NCAM1: variants seen among roughly 807,000 people sequenced by gnomAD.
NCAM1 encodes neural cell adhesion molecule 1.
A neutral mutation model predicts 109.8 loss-of-function variants in NCAM1; 14 were observed. The observed-to-expected ratio is 0.13, with a 90% CI of 0.08 to 0.20. The LOEUF (loss-of-function observed/expected upper bound fraction) is 0.20, where lower values mean the gene tolerates loss of function less well. Ranked by LOEUF, NCAM1 falls within the 10% of genes least tolerant of loss-of-function variation. The pLI is 1.00. For synonymous variants in NCAM1, 418 were observed against 442.9 expected, an observed-to-expected ratio of 0.94 and a Z score of 0.70; for missense variants, 774 against 1,109.9, an observed-to-expected ratio of 0.70 and a Z score of 4.30.
At chr11:113,267,535 C>A (rs547778372) in intron 17 of NCAM1, among the ~76,000 whole-genome samples, 1 of 152,152 alleles carries the variant, frequency 6.6e-6, no homozygotes, top group South Asian at 2.1e-4. Flanking sequence ...GGCACAGAAT[C>A]ATCAAGGCCC....
chr11:113,028,257 C>T (rs1278427754), intron 1 of NCAM1, among the ~76,000 whole-genome samples: 1 of 152,028 alleles, frequency 6.6e-6, no homozygotes, highest in Non-Finnish European at 1.5e-5. Context: ...GGTCATTATA[C>T]AACGTATACA....
chr11:112,967,103 A>C (rs1156582397), intron 1 of NCAM1, among the ~76,000 whole-genome samples: 2 of 152,170 alleles, frequency 1.3e-5, no homozygotes, highest in African/African-American at 4.8e-5. Context: ...TCCACTTCGT[A>C]CTCTGAGGAC....
chr11:113,166,349 A>G (rs2136407223), intron 1 of NCAM1, among the ~76,000 whole-genome samples: 1 of 152,290 alleles, frequency 6.6e-6, no homozygotes, highest in Non-Finnish European at 1.5e-5. Flanking sequence ...AAATCGTAGG[A>G]AAACACAGTA....
intron 8 of NCAM1, among the ~76,000 whole-genome samples, chr11:113,215,034 C>G (rs782684720): frequency 6.6e-6 from 1 of 152,130 alleles, no homozygotes; most frequent in Non-Finnish European, 1.5e-5. Flanking sequence ...CCATTTTGTT[C>G]TAAAGGCAAA....
chr11:113,246,939 C>T (rs192403683), intron 15 of NCAM1, among the ~76,000 whole-genome samples: 1 of 152,324 alleles, frequency 6.6e-6, no homozygotes, highest in African/African-American at 2.4e-5. Context: ...AGCAGTTTGG[C>T]TGTGATTACT....
chr11:112,961,459 C>A lies in NCAM1; in HGVS notation c.-154C>A, dbSNP rs782518318. On this transcript the variant is annotated 5_prime_UTR_variant, in exon 1 of 20. Coordinates refer to ENST00000316851, the MANE Select transcript of NCAM1 (RefSeq NM_181351.5). ...CAGCGCGTGAACGCAGCTCGGCTGC[C>A]GCTGGCAGGAAACAATTCTGCAAAA... The A allele has an allele frequency of 2.2e-5, 17 of 775,532 alleles. No homozygotes were observed. The highest frequency in any genetic ancestry group is 1.5e-4 in the African/African-American group (9 of 58,966). The allele number at this position is 775,532 out of a possible 1,614,324, so 48.0% of individuals were successfully genotyped here. A position where few individuals can be genotyped will look rare whatever the true frequency, so the allele number is the denominator to read the frequency against.
chr11:113,010,677 T>C (rs1952023319), intron 1 of NCAM1, among the ~76,000 whole-genome samples: 1 of 152,232 alleles, frequency 6.6e-6, no homozygotes, highest in South Asian at 2.1e-4. Flanking sequence ...GAAAAGTCAG[T>C]TGGCGAGAGT....
chr11:113,019,083 C>T (rs1952302245), intron 1 of NCAM1, among the ~76,000 whole-genome samples: 1 of 152,082 alleles, frequency 6.6e-6, no homozygotes, highest in South Asian at 2.1e-4. Context: ...TAGTGATACT[C>T]GGTCATGGTT....
chr11:112,964,154 T>G (rs1297554039), intron 1 of NCAM1, among the ~76,000 whole-genome samples: 4 of 14,406 alleles, frequency 2.8e-4, no homozygotes, highest in Non-Finnish European at 5.6e-4. Flanking sequence ...TTTTTTTTTT[T>G]GTTTTTTTTT....
chr11:113,210,821 C>CACAT (rs1249418105), intron 7 of NCAM1, among the ~76,000 whole-genome samples: 14 of 144,234 alleles, frequency 9.7e-5, no homozygotes, highest in African/African-American at 3.7e-4. Context: ...CACACACACA[C>CACAT]ATATTTCACA....
chr11:113,183,530 AT>A (rs1943396485), intron 1 of NCAM1, among the ~76,000 whole-genome samples: 1 of 152,352 alleles, frequency 6.6e-6, no homozygotes, highest in African/African-American at 2.4e-5. Context: ...GCACTTTGAA[AT>A]TACAGAAATG....
intron 1 of NCAM1, among the ~76,000 whole-genome samples, chr11:113,191,765 GTGTGTGTGTA>G (rs1555109908): frequency 8.9e-6 from 1 of 112,270 alleles, no homozygotes; most frequent in African/African-American, 3.1e-5. Context: ...ATGTGTGTGT[GTGTGTGTGTA>G]TATATATATA....
At chr11:113,073,644 G>T (rs1309696862) in intron 1 of NCAM1, among the ~76,000 whole-genome samples, 1 of 152,046 alleles carries the variant, frequency 6.6e-6, no homozygotes, top group South Asian at 2.1e-4. Context: ...ATATCCTGAG[G>T]CCATATGGAA....
At chr11:113,138,531 A>C (rs1414011345) in intron 1 of NCAM1, among the ~76,000 whole-genome samples, 8 of 152,166 alleles carry the variant, frequency 5.3e-5, no homozygotes, top group African/African-American at 1.4e-4. Context: ...TTTTTATATC[A>C]TGTGTTGAGA....
chr11:113,111,222 G>A (rs995070073), intron 1 of NCAM1, among the ~76,000 whole-genome samples: 1 of 152,096 alleles, frequency 6.6e-6, no homozygotes, highest in Non-Finnish European at 1.5e-5. Flanking sequence ...GTTTTCATCT[G>A]TGCTTTCATG....
At chr11:113,042,341 G>C (rs1953107815) in intron 1 of NCAM1, among the ~76,000 whole-genome samples, 2 of 152,162 alleles carry the variant, frequency 1.3e-5, no homozygotes. Flanking sequence ...CGAATTCAGT[G>C]GCGCCTTCTC....
intron 1 of NCAM1, among the ~76,000 whole-genome samples, chr11:113,198,814 G>A (rs972200062): frequency 1.3e-5 from 2 of 152,144 alleles, no homozygotes; most frequent in Admixed American, 1.3e-4. Flanking sequence ...TTTAATCTTG[G>A]TTTTAGTGCT....
At chr11:113,229,092 T>C (rs1414121765) in intron 9 of NCAM1, among the ~76,000 whole-genome samples, 5 of 152,112 alleles carry the variant, frequency 3.3e-5, no homozygotes, top group African/African-American at 4.8e-5. Flanking sequence ...TGGGATATAA[T>C]TAAACTAAAG....
intron 14 of NCAM1, among the ~76,000 whole-genome samples, chr11:113,244,648 TGTGTGC>T (rs1555119800): frequency 0.024 from 1,243 of 52,704 alleles, 5 homozygotes; most frequent in Non-Finnish European, 0.031. Flanking sequence ...TGCTTCTGTG[TGTGTGC>T]GTGTGTGTGT....
Sources: gnomAD v4.1 joint callset for allele counts (sites outside exome capture counted in the v4.1 genomes callset) on GRCh38, gnomAD v4.1.1 for gene constraint, MANE v1.5 for transcripts, NCBI Gene and HGNC (gene_info 2026-07-23, HGNC 2026-07-21) for gene names.